PTPRG: variants seen among roughly 807,000 people sequenced by gnomAD.
The protein encoded by PTPRG is receptor-type tyrosine-protein phosphatase gamma.
PTPRG carries 102 observed loss-of-function variants against 165.3 expected under a neutral mutation model. That is an observed-to-expected ratio of 0.62 (90% CI 0.53 to 0.73). The LOEUF (loss-of-function observed/expected upper bound fraction) is 0.73, where lower values mean the gene tolerates loss of function less well. Ranked by LOEUF, PTPRG falls within the 30% of genes least tolerant of loss-of-function variation. PTPRG has a pLI of 0.00. For synonymous variants in PTPRG, 675 were observed against 669.5 expected, an observed-to-expected ratio of 1.01 and a Z score of -0.13; for missense variants, 1,866 against 1,861.4, an observed-to-expected ratio of 1.00 and a Z score of -0.05.
chr3:61,610,698 G>A (rs1701138788), intron 1 of PTPRG, among the ~76,000 whole-genome samples: 2 of 150,860 alleles, frequency 1.3e-5, no homozygotes, highest in African/African-American at 4.9e-5. Flanking sequence ...AGTTATTTTC[G>A]TTTCACTCAC....
intron 2 of PTPRG, among the ~76,000 whole-genome samples, chr3:61,915,658 TTTTC>T (rs1204650010): frequency 2.6e-5 from 4 of 151,976 alleles, no homozygotes; most frequent in Non-Finnish European, 5.9e-5. Context: ...GGAACATATT[TTTTC>T]TTTCTTTCTT....
At chr3:62,133,727 G>A (rs1013522510) in intron 6 of PTPRG, among the ~76,000 whole-genome samples, 2 of 152,176 alleles carry the variant, frequency 1.3e-5, no homozygotes, top group African/African-American at 4.8e-5. Context: ...GCTTATGCCT[G>A]TAATCCCAGC....
chr3:61,662,122 G>A (rs947608846), intron 1 of PTPRG, among the ~76,000 whole-genome samples: 1 of 152,186 alleles, frequency 6.6e-6, no homozygotes, highest in Non-Finnish European at 1.5e-5. Context: ...GAAGGGGTTA[G>A]AAGGTAATAG....
At chr3:61,728,152 A>G (rs1336813457) in intron 1 of PTPRG, among the ~76,000 whole-genome samples, 1 of 152,216 alleles carries the variant, frequency 6.6e-6, no homozygotes, top group Non-Finnish European at 1.5e-5. Flanking sequence ...AGTGAATTAC[A>G]GAGTCCCATA....
At chr3:61,651,134 CTTT>C (rs761871013) in intron 1 of PTPRG, among the ~76,000 whole-genome samples, 1 of 141,532 alleles carries the variant, frequency 7.1e-6, no homozygotes, top group Non-Finnish European at 1.5e-5. Context: ...CACTCTTTCT[CTTT>C]TTTTTTTTTT....
chr3:62,022,034 A>G (rs758161345), intron 4 of PTPRG, among the ~76,000 whole-genome samples: 18 of 152,118 alleles, frequency 1.2e-4, no homozygotes, highest in Non-Finnish European at 2.4e-4. Flanking sequence ...ATATATGTAT[A>G]CAATTTACGT....
At chr3:61,906,466 GA>G (rs113990016) in intron 2 of PTPRG, among the ~76,000 whole-genome samples, 3 of 148,444 alleles carry the variant, frequency 2.0e-5, no homozygotes, top group South Asian at 2.2e-4. Flanking sequence ...AAAAAAAAAG[GA>G]AAAAAAAACA....
At chr3:61,949,758 G>T (rs1380649711) in intron 2 of PTPRG, among the ~76,000 whole-genome samples, 1 of 150,334 alleles carries the variant, frequency 6.7e-6, no homozygotes, top group African/African-American at 2.4e-5. Flanking sequence ...GTTTGTTTTG[G>T]AGAAGAAGTC....
intron 2 of PTPRG, among the ~76,000 whole-genome samples, chr3:61,895,716 T>TA (rs2038336874): frequency 6.6e-6 from 1 of 152,198 alleles, no homozygotes; most frequent in African/African-American, 2.4e-5. Flanking sequence ...AAACAAGTGA[T>TA]AAAAAATGAA....
chr3:61,687,477 C>T (rs1703670269), intron 1 of PTPRG, among the ~76,000 whole-genome samples: 1 of 152,220 alleles, frequency 6.6e-6, no homozygotes, highest in African/African-American at 2.4e-5. Flanking sequence ...CATTAAGAGA[C>T]CTGGCCTGAC....
At chr3:62,156,297 T>C (rs1225321889) in intron 6 of PTPRG, among the ~76,000 whole-genome samples, 1 of 152,248 alleles carries the variant, frequency 6.6e-6, no homozygotes, top group Non-Finnish European at 1.5e-5. Flanking sequence ...ATTCACATCC[T>C]GGCTTTGCTT....
At chr3:61,676,800 G>A (rs865856816) in intron 1 of PTPRG, among the ~76,000 whole-genome samples, 13 of 152,122 alleles carry the variant, frequency 8.5e-5, no homozygotes, top group Non-Finnish European at 5.9e-5. Flanking sequence ...AGCCAGATAG[G>A]ATAGAGATTG....
In PTPRG at chr3:62,262,510, T is replaced by C. The variant is rs117110827; in HGVS notation, c.2560-288T>C. 3.8e-4 allele frequency: 95 copies of C among 252,890 alleles called. No homozygotes were observed. The East Asian group carries it at 7.8e-3, about 21-fold the overall frequency. 15.7% of individuals were successfully genotyped at this position (252,890 alleles called of 1,614,324 possible). A position where few individuals can be genotyped will look rare whatever the true frequency, so the allele number is the denominator to read the frequency against. ...TCTTTTTGAATATTTTTCTCACCCA[T>C]AGACTATGATGTATTCAAAAAGAGA... On this transcript the variant is annotated intron_variant, in intron 16 of 29. Coordinates refer to ENST00000474889, the MANE Select transcript of PTPRG (RefSeq NM_002841.4).
At chr3:61,877,519 A>G (rs2037776291) in intron 2 of PTPRG, among the ~76,000 whole-genome samples, 1 of 152,212 alleles carries the variant, frequency 6.6e-6, no homozygotes, top group African/African-American at 2.4e-5. Flanking sequence ...CTGACCAACC[A>G]ATTCACAGAA....
At chr3:61,761,859 T>G (rs1447829458) in intron 2 of PTPRG, among the ~76,000 whole-genome samples, 1 of 152,178 alleles carries the variant, frequency 6.6e-6, no homozygotes, top group African/African-American at 2.4e-5. Context: ...CTGCCCCAAT[T>G]ATTGTTGGCC....
At chr3:62,185,208 C>T (rs1024886805) in intron 8 of PTPRG, among the ~76,000 whole-genome samples, 10 of 152,276 alleles carry the variant, frequency 6.6e-5, no homozygotes, top group African/African-American at 2.2e-4. Context: ...GGAGCAGTAC[C>T]TTCATGCCTG....
At chr3:61,676,751 A>G (rs1459144970) in intron 1 of PTPRG, among the ~76,000 whole-genome samples, 1 of 152,106 alleles carries the variant, frequency 6.6e-6, no homozygotes, top group East Asian at 1.9e-4. Flanking sequence ...TTCTCAGCTG[A>G]GAGCTATTAT....
intron 1 of PTPRG, among the ~76,000 whole-genome samples, chr3:61,590,121 A>T (rs1700530376): frequency 2.0e-5 from 3 of 151,772 alleles, no homozygotes; most frequent in Non-Finnish European, 4.4e-5. Flanking sequence ...CCTTCTCAGG[A>T]TGGCATCATC....
intron 1 of PTPRG, among the ~76,000 whole-genome samples, chr3:61,641,222 T>TC: frequency 6.6e-6 from 1 of 151,940 alleles, no homozygotes; most frequent in East Asian, 1.9e-4. Flanking sequence ...CCAGATTTCC[T>TC]CCCCCTCCCT....
Sources: allele counts gnomAD v4.1 joint callset (sites outside exome capture counted in the v4.1 genomes callset), GRCh38; gene constraint gnomAD v4.1.1; transcripts MANE v1.5; gene names NCBI Gene and HGNC (gene_info 2026-07-23, HGNC 2026-07-21).